The following PSMD6 variants were observed in gnomAD, a reference collection of about 807,000 sequenced individuals.
The protein encoded by PSMD6 is 26S proteasome non-ATPase regulatory subunit 6.
PSMD6 carries 7 observed loss-of-function variants against 44.9 expected under a neutral mutation model. The observed-to-expected ratio is 0.16, with a 90% CI of 0.09 to 0.29. The LOEUF (loss-of-function observed/expected upper bound fraction) is 0.29. Ranked by LOEUF, PSMD6 falls within the 10% of genes least tolerant of loss-of-function variation. The pLI is 1.00. For synonymous variants in PSMD6, 184 were observed against 172.7 expected (o/e 1.07, Z -0.51); for missense variants, 420 against 482.6 (o/e 0.87, Z 1.21).
chr3:64,015,121 G>A (rs1047819805), intron 5 of PSMD6: 1 of 152,176 alleles, frequency 6.6e-6, no homozygotes, highest in African/African-American at 2.4e-5. Context: ...TCACTAATAA[G>A]AGAAATGCAT....
upstream of PSMD6, chr3:64,023,775 T>G (rs1248386937): frequency 2.0e-6 from 3 of 1,471,944 alleles, no homozygotes; most frequent in Admixed American, 2.0e-5. Context: ...AAACTGAAAA[T>G]GTAATAACAG....
At chr3:64,019,586 A>G in intron 2 of PSMD6, 145 bp from the exon 3 acceptor site, 1 of 788,692 alleles carries the variant, frequency 1.3e-6, no homozygotes, top group Non-Finnish European at 1.9e-6. Context: ...TAATTGTTGA[A>G]GCTGGGTGAT....
intron 5 of PSMD6, chr3:64,015,174 G>C (rs2076022880): frequency 6.6e-6 from 1 of 152,238 alleles, no homozygotes; most frequent in South Asian, 2.1e-4. Flanking sequence ...GACTGGCAAA[G>C]AGTATGGAGA....
chr3:64,018,589 C>A lies in PSMD6; in HGVS notation c.826+10G>T, dbSNP rs2076083629. Reference sequence around the variant, plus strand: ...AGACAGATAATCAAAAATATCAACCCTATCCTTACCTAATGATTGGAAGAA... The same window carrying A: ...AGACAGATAATCAAAAATATCAACCATATCCTTACCTAATGATTGGAAGAA... On this transcript the variant is annotated intron_variant, in intron 5 of 7. Coordinates refer to ENST00000295901, the MANE Select transcript of PSMD6 (RefSeq NM_014814.3). 2.6e-6 allele frequency: 4 copies of A among 1,525,734 alleles called. No homozygotes were observed. Among genetic ancestry groups the A allele is most frequent in the Non-Finnish European group, 3.6e-6 (4 of 1,103,856 alleles). 94.5% of individuals were successfully genotyped at this position (1,525,734 alleles called of 1,614,324 possible). A position where few individuals can be genotyped will look rare whatever the true frequency, so the allele number is the denominator to read the frequency against.
At chr3:64,013,929 ATAAAG>A (rs1264768507) in intron 5 of PSMD6, 7 of 200,292 alleles carry the variant, frequency 3.5e-5, no homozygotes, top group South Asian at 1.8e-4. Flanking sequence ...CTTAAGTAAA[ATAAAG>A]TAAAAATCAT....
intron 5 of PSMD6, among the ~76,000 whole-genome samples, chr3:64,017,918 C>T (rs1483753488): frequency 6.6e-6 from 1 of 152,246 alleles, no homozygotes; most frequent in East Asian, 1.9e-4. Flanking sequence ...CTTCTATCAT[C>T]TTAATAGTTT....
rs1238256068 is a variant in PSMD6 at position 64,010,637 on chromosome 3, C to G, written c.*31G>C. On this transcript the variant is annotated 3_prime_UTR_variant, in exon 8 of 8. Transcript: ENST00000295901. ...CTATAAAAATTCCAAATAATTATCT[C>G]TAAAGCAAATCCTTTGTTAGTTACA... is the stretch of plus-strand genomic sequence containing the variant. The G allele has an allele frequency of 1.3e-6, 2 of 1,500,996 alleles. No individual in the cohort carries two copies. The highest frequency in any genetic ancestry group is 2.8e-5 in the African/African-American group (2 of 71,502). 93.0% of individuals were successfully genotyped at this position (1,500,996 alleles called of 1,614,324 possible). A position where few individuals can be genotyped will look rare whatever the true frequency, so the allele number is the denominator to read the frequency against.
chr3:64,013,668 A>G, intron 5 of PSMD6, 61 bp from the exon 6 acceptor site: 1 of 1,450,430 alleles, frequency 6.9e-7, no homozygotes, highest in Non-Finnish European at 9.2e-7. Flanking sequence ...AAGATTAAAA[A>G]CTAAAGCAAC....
At chr3:64,022,631 T>C (rs1663514545) in intron 1 of PSMD6, 108 bp from the exon 2 acceptor site, 3 of 1,570,702 alleles carry the variant, frequency 1.9e-6, no homozygotes, top group Non-Finnish European at 2.6e-6. Flanking sequence ...CACCAGTCTC[T>C]TCCCCACTAA....
intron 6 of PSMD6, 111 bp from the exon 7 acceptor site, chr3:64,011,066 C>CA (rs1308655378): frequency 3.4e-6 from 3 of 891,824 alleles, no homozygotes; most frequent in Non-Finnish European, 5.1e-6. Flanking sequence ...AGCTTCCCTT[C>CA]AAGCTTGTTA....
intron 6 of PSMD6, chr3:64,012,372 C>T (rs767358298): frequency 5.3e-5 from 8 of 152,162 alleles, no homozygotes; most frequent in Admixed American, 1.3e-4. Flanking sequence ...AGTATGTCTC[C>T]TACCCAACTC....
At position 64,023,432 on chromosome 3, in the gene PSMD6, G is replaced by GGAC; in HGVS notation, c.-14_-13insGTC. 6.3e-7 allele frequency: 1 copy of GGAC among 1,586,514 alleles called. No individual in the cohort carries two copies. Among genetic ancestry groups the GGAC allele is most frequent in the African/African-American group, 1.4e-5 (1 of 73,546 alleles). The stretch of plus-strand genomic sequence containing the variant: ...TCTCCAGCGGCATCGCGGCGAAGGG[G>GGAC]ACAGCGGCTGACAGGACACAACTTG... On this transcript the variant is annotated 5_prime_UTR_variant, in exon 1 of 8. Transcript: ENST00000295901.
intron 5 of PSMD6, chr3:64,016,020 T>C (rs965875299): frequency 6.6e-6 from 1 of 151,952 alleles, no homozygotes; most frequent in Admixed American, 6.6e-5. Flanking sequence ...ACCCTGTCTC[T>C]ACTAAAAATA....
chr3:64,021,964 A>G (rs1267936188), intron 2 of PSMD6, among the ~76,000 whole-genome samples: 1 of 152,250 alleles, frequency 6.6e-6, no homozygotes, highest in African/African-American at 2.4e-5. Context: ...TTACTCGTGT[A>G]AAGTACTAAA....
In PSMD6 at chr3:64,023,491, A is replaced by G. The variant is rs2076168097; in HGVS notation, c.-72T>C. 6 of 1,481,234 alleles carry G rather than the reference A, an allele frequency of 4.1e-6. No homozygotes were observed. In the South Asian group the frequency reaches 6.7e-5, roughly 16 times the overall value. The allele number at this position is 1,481,234 out of a possible 1,614,324, so 91.8% of individuals were successfully genotyped here. On this transcript the variant is annotated 5_prime_UTR_variant, in exon 1 of 8. Coordinates refer to ENST00000295901, the MANE Select transcript of PSMD6 (RefSeq NM_014814.3). ...CGGCTGCGGCAGCGGAAGCGGGAGG[A>G]GTCGGCGAATACGCCCGGCCGCCTG...
chr3:64,021,397 C>A (rs920537565), intron 2 of PSMD6, among the ~76,000 whole-genome samples: 1 of 151,998 alleles, frequency 6.6e-6, no homozygotes, highest in Non-Finnish European at 1.5e-5. Context: ...ACACTATGAT[C>A]CTATGTACTT....
rs1206919539 is a variant in PSMD6 at position 64,019,440 on chromosome 3, T to G, written c.353A>C (p.Glu118Ala). ...CTTGCGAAAGGCTGTCAGAGCTCCC[T>G]CCTGTCAAGAAAGCCAAGGCAATAG... is the stretch of plus-strand genomic sequence containing the variant. ...AEYLCRIGDK[E>A]GALTAFRKTY... The change falls in exon 3 of 8, where the codon GAG becomes GCG. Residue 118 changes from glutamate to alanine, a missense_variant and splice_region_variant. Physicochemically the swap from Glu to Ala is moderately radical, Grantham distance 107. This residue lies in a region of PSMD6 where 216 missense variants were observed against 227.0 expected (regional missense o/e 0.95). Coordinates refer to ENST00000295901, the MANE Select transcript of PSMD6 (RefSeq NM_014814.3). 1.9e-6 allele frequency: 3 copies of G among 1,609,390 alleles called. No individual in the cohort carries two copies. The African/African-American group carries it at 4.0e-5, about 22-fold the overall frequency.
At chr3:64,019,706 T>C (rs890068975) in intron 2 of PSMD6, 5 of 380,156 alleles carry the variant, frequency 1.3e-5, no homozygotes, top group African/African-American at 8.4e-5. Flanking sequence ...TTAAGAAAAA[T>C]ATATTCACAA....
intron 2 of PSMD6, among the ~76,000 whole-genome samples, chr3:64,020,768 CAT>C (rs773149289): frequency 6.6e-6 from 1 of 152,346 alleles, no homozygotes; most frequent in African/African-American, 2.4e-5. Flanking sequence ...CTGTTTTACA[CAT>C]GAGGAAACCG....
Sources: gnomAD v4.1 joint callset for allele counts (sites outside exome capture counted in the v4.1 genomes callset) on GRCh38, gnomAD v4.1.1 for gene constraint, gnomAD v4.1.1 regional missense constraint, MANE v1.5 for transcripts, NCBI Gene and HGNC (gene_info 2026-07-23, HGNC 2026-07-21) for gene names.